DUXA: variants seen among roughly 807,000 people sequenced by gnomAD.
DUXA encodes the protein double homeobox protein A.
DUXA carries 25 observed loss-of-function variants against 27.5 expected under a neutral mutation model. The ratio of observed to expected loss-of-function variants is 0.91; its 90% CI spans 0.66 to 1.27. DUXA has a LOEUF of 1.27. DUXA is among the 50% of genes most tolerant of loss of function. DUXA has a pLI of 0.00. For missense variants in DUXA, 247 were observed against 242.9 expected (o/e 1.02, Z -0.11); for synonymous variants, 90 against 80.5 (o/e 1.12, Z -0.63).
At position 57,154,357 on chromosome 19, in the gene DUXA, T is replaced by G. The variant is rs2122685861; in HGVS notation, c.*55A>C. ...GAAGGATAGACTCCCAGGAAGACCG[T>G]GAGACAGATTTGGGGTCCAGTTGAT... On this transcript the variant is annotated 3_prime_UTR_variant, in exon 6 of 6. Transcript: ENST00000554048. 737 of 1,507,512 alleles carry G rather than the reference T, an allele frequency of 4.9e-4. No individual in the cohort carries two copies. The highest frequency in any genetic ancestry group is 6.0e-4 in the Non-Finnish European group (654 of 1,085,290). The allele number at this position is 1,507,512 out of a possible 1,614,324, so 93.4% of individuals were successfully genotyped here.
intron 5 of DUXA, among the ~76,000 whole-genome samples, chr19:57,154,724 C>T (rs560299358): frequency 1.6e-4 from 24 of 152,180 alleles, no homozygotes; most frequent in African/African-American, 3.9e-4. Flanking sequence ...CCACCACGCT[C>T]GGCTAATTGT....
chr19:57,165,722 A>G (rs948525445), intron 1 of DUXA, among the ~76,000 whole-genome samples: 47 of 147,264 alleles, frequency 3.2e-4, no homozygotes, highest in Non-Finnish European at 3.1e-4. Context: ...GGAGAATGGC[A>G]TGAACCCGGG....
At chr19:57,159,437 A>G (rs12609860) in intron 2 of DUXA, among the ~76,000 whole-genome samples, 159 bp from the exon 3 acceptor site, 15,897 of 151,998 alleles carry the variant, frequency 0.1, 1,312 homozygotes, top group East Asian at 0.38. Context: ...TTTTTGAGAT[A>G]GAGTCTCACT....
chr19:57,162,662 C>T (rs943655279), intron 1 of DUXA, among the ~76,000 whole-genome samples: 1 of 152,150 alleles, frequency 6.6e-6, no homozygotes, highest in Non-Finnish European at 1.5e-5. Context: ...GCAACCTCCA[C>T]CTCCCAGATT....
At chr19:57,159,128 G>A in intron 3 of DUXA, 39 bp downstream of exon 3, 1 of 1,564,248 alleles carries the variant, frequency 6.4e-7, no homozygotes, top group Non-Finnish European at 8.7e-7. Flanking sequence ...CCGCCGTAGA[G>A]AAGCTCTGCT....
rs1454895964 is a variant in DUXA, at chr19:57,155,373, C to G, written c.439-1G>C. The G allele has an allele frequency of 6.2e-7, 1 of 1,608,090 alleles. No homozygotes were observed. The highest frequency in any genetic ancestry group is 8.5e-7 in the Non-Finnish European group (1 of 1,174,626). ...TAGATCTTCGATTTTGGAACCAAAT[C>G]TAAGTGGTAAGACAAAGAAACTTAA... On this transcript the variant is annotated splice_acceptor_variant, in intron 4 of 5. Coordinates refer to ENST00000554048, the MANE Select transcript of DUXA (RefSeq NM_001012729.2). LOFTEE classifies it high-confidence loss of function.
At chr19:57,166,820 A>C (rs2087057551) in intron 1 of DUXA, among the ~76,000 whole-genome samples, 1 of 152,196 alleles carries the variant, frequency 6.6e-6, no homozygotes, top group African/African-American at 2.4e-5. Context: ...TATGGGGGAA[A>C]AAATGGAGTC....
rs368478209 is a variant in DUXA, at chr19:57,159,094, C to G, written c.292+73G>C. The G allele has an allele frequency of 4.5e-6, 6 of 1,343,008 alleles. No individual in the cohort carries two copies. The African/African-American group carries it at 8.8e-5, about 20-fold the overall frequency. The allele number at this position is 1,343,008 out of a possible 1,614,324, so 83.2% of individuals were successfully genotyped here. Reference sequence around the variant, plus strand: ...AGGAGGTCATCAGGGAGGAGACATTCTTTTTTCAAAGTCGCAGTTGGCTCC... The same window carrying G: ...AGGAGGTCATCAGGGAGGAGACATTGTTTTTTCAAAGTCGCAGTTGGCTCC... On this transcript the variant is annotated intron_variant, in intron 3 of 5. Coordinates refer to ENST00000554048, the MANE Select transcript of DUXA (RefSeq NM_001012729.2).
Position 57,154,370 on chromosome 19 carries a change from G to A in DUXA, c.*42C>T, listed in dbSNP as rs760881074. On this transcript the variant is annotated 3_prime_UTR_variant, in exon 6 of 6. Coordinates refer to ENST00000554048, the MANE Select transcript of DUXA (RefSeq NM_001012729.2). ...CCAGGAAGACCGTGAGACAGATTTG[G>A]GGTCCAGTTGATATTATCAAGTACA... 2.6e-6 allele frequency: 4 copies of A among 1,556,488 alleles called. No individual in the cohort carries two copies. The highest frequency in any genetic ancestry group is 3.5e-6 in the Non-Finnish European group (4 of 1,128,620).
At chr19:57,155,856 A>G (rs985465815) in intron 4 of DUXA, among the ~76,000 whole-genome samples, 5 of 151,956 alleles carry the variant, frequency 3.3e-5, no homozygotes, top group African/African-American at 1.2e-4. Flanking sequence ...TTTAGTAGAG[A>G]TGGAATTTCA....
Position 57,158,458 on chromosome 19 carries a change from C to T in DUXA, c.308G>A (p.Arg103Gln), listed in dbSNP as rs146886967. ...GVEFQSREARRCRTTYSASQL... is the reference protein window; with the variant it reads ...GVEFQSREARQCRTTYSASQL... ...AGAGGCGCTGTAGGTGGTACGACAC[C>T]GTCTGGCTTCTCTACCTAGGGAAGG... The change falls in exon 4 of 6, where the codon CGG (arginine) becomes CAG (glutamine). Residue 103 changes from arginine (R) to glutamine (Q), a missense_variant. Coordinates refer to ENST00000554048, the MANE Select transcript of DUXA (RefSeq NM_001012729.2). The T allele has an allele frequency of 5.9e-4, 959 of 1,613,172 alleles. No individual in the cohort carries two copies. The highest frequency in any genetic ancestry group is 7.5e-4 in the Non-Finnish European group (887 of 1,179,302).
At chr19:57,155,427 A>T in intron 4 of DUXA, 55 bp from the exon 5 acceptor site, 3 of 1,350,996 alleles carry the variant, frequency 2.2e-6, no homozygotes, top group Non-Finnish European at 3.2e-6. Flanking sequence ...TGTAAAACTC[A>T]TGATTGCTTT....
rs1161827847 is a variant in DUXA at position 57,159,232 on chromosome 19, G to C, written c.227C>G (p.Pro76Arg). The change falls in exon 3 of 6, where the codon CCA (proline) becomes CGA (arginine). Residue 76 changes from proline (P) to arginine (R), a missense_variant. Transcript: ENST00000554048. ...GCTTGATTCTAAAGTCTCAGCTTCT[G>C]GTCTTTTCTGGAATCCGTGCCTAGC... ...RRARHGFQKR[P>R]EAETLESSQS... is the part of the protein sequence containing the mutation. 1.9e-6 allele frequency: 3 copies of C among 1,614,134 alleles called. No individual in the cohort carries two copies. The highest frequency in any genetic ancestry group is 2.5e-6 in the Non-Finnish European group (3 of 1,180,014).
intron 1 of DUXA, among the ~76,000 whole-genome samples, chr19:57,165,324 A>AAAAT (rs1491567041): frequency 6.7e-5 from 6 of 89,286 alleles, no homozygotes; most frequent in African/African-American, 2.0e-4. Flanking sequence ...AAAAAAAAAA[A>AAAAT]ATATATATAT....
rs545937240 is a variant in DUXA at position 57,154,587 on chromosome 19, G to A, written c.545-105C>T. ...CTTTTCTTTTTTTTTTTTTTTAGAC[G>A]GAGTCTCACTTTGTCGCCCAGGCTG... On this transcript the variant is annotated intron_variant, in intron 5 of 5. Transcript: ENST00000554048. 2.1e-4 allele frequency: 184 copies of A among 867,744 alleles called. 1 individual carries two copies. The African/African-American group carries it at 2.8e-3, about 13-fold the overall frequency. The allele number at this position is 867,744 out of a possible 1,614,324, so 53.8% of individuals were successfully genotyped here.
rs567711443 is a variant in DUXA, at chr19:57,154,664, C to T, written c.545-182G>A. On this transcript the variant is annotated intron_variant, in intron 5 of 5. Transcript: ENST00000554048. The stretch of plus-strand genomic sequence containing the variant: ...CTGCAAGCTCCGCCTCCCGGGTTCA[C>T]GCCATGCTCCTGCCTCAGCCTCCCG... Among the ~76,000 whole-genome samples the T allele has an allele frequency of 1.4e-4, 22 of 151,792 alleles. No individual in the cohort carries two copies. In the South Asian group the frequency reaches 1.9e-3, roughly 13 times the overall value.
intron 3 of DUXA, among the ~76,000 whole-genome samples, chr19:57,158,740 T>G (rs530223441): frequency 3.3e-5 from 5 of 152,108 alleles, no homozygotes; most frequent in Non-Finnish European, 7.4e-5. Flanking sequence ...TGCCGGCACT[T>G]TAAGAGACTG....
chr19:57,165,113 G>A (rs975747465), intron 1 of DUXA, among the ~76,000 whole-genome samples: 2 of 151,762 alleles, frequency 1.3e-5, no homozygotes, highest in Non-Finnish European at 2.9e-5. Context: ...TTGAAAACAA[G>A]TGCCCTAAAA....
At chr19:57,163,002 T>C (rs2087032363) in intron 1 of DUXA, among the ~76,000 whole-genome samples, 1 of 151,694 alleles carries the variant, frequency 6.6e-6, no homozygotes, top group South Asian at 2.1e-4. Flanking sequence ...TACGCGACAT[T>C]CCATACCTTG....
Sources: gnomAD v4.1 joint callset for allele counts (sites outside exome capture counted in the v4.1 genomes callset) on GRCh38, gnomAD v4.1.1 for gene constraint, MANE v1.5 for transcripts, NCBI Gene and HGNC (gene_info 2026-07-23, HGNC 2026-07-21) for gene names.